GALNT2: variants seen among roughly 807,000 people sequenced by gnomAD.
GALNT2 encodes UDP-GalNAc:polypeptide N-acetylgalactosaminyltransferase 2.
Under a neutral mutation model 81.4 loss-of-function variants are expected in GALNT2, and 31 were observed. That is an observed-to-expected ratio of 0.38 (90% CI 0.29 to 0.51). GALNT2 has a LOEUF of 0.51. Ranked by LOEUF, GALNT2 falls within the 20% of genes least tolerant of loss-of-function variation. The pLI is 0.87. For synonymous variants in GALNT2, 303 were observed against 287.4 expected (o/e 1.05, Z -0.55); for missense variants, 629 against 765.7 (o/e 0.82, Z 2.11).
intron 1 of GALNT2, among the ~76,000 whole-genome samples, chr1:230,107,504 T>G (rs956385211): frequency 6.6e-6 from 1 of 151,908 alleles, no homozygotes; most frequent in Admixed American, 6.6e-5. Flanking sequence ...TGCTTAAGCC[T>G]AGGAGTTTGA....
intron 2 of GALNT2, among the ~76,000 whole-genome samples, chr1:230,190,329 C>T (rs557563635): frequency 6.6e-6 from 1 of 152,374 alleles, no homozygotes; most frequent in African/African-American, 2.4e-5. Context: ...ATAGCTGAGA[C>T]GAAGGGGTCT....
At chr1:230,239,068 T>A (rs902720533) in intron 6 of GALNT2, among the ~76,000 whole-genome samples, 4 of 152,174 alleles carry the variant, frequency 2.6e-5, no homozygotes, top group African/African-American at 4.8e-5. Flanking sequence ...TCAAGAAATT[T>A]TGTATTTTAT....
chr1:230,184,066 A>G (rs1346961454), intron 2 of GALNT2, among the ~76,000 whole-genome samples: 1 of 151,400 alleles, frequency 6.6e-6, no homozygotes, highest in Non-Finnish European at 1.5e-5. Flanking sequence ...TTTCTGATCG[A>G]TGTTATTTTC....
At chr1:230,130,760 T>A (rs1370153054) in intron 1 of GALNT2, among the ~76,000 whole-genome samples, 1 of 152,220 alleles carries the variant, frequency 6.6e-6, no homozygotes, top group African/African-American at 2.4e-5. Flanking sequence ...CTCCTGTATG[T>A]TCAGTCAAGC....
At chr1:230,060,455 T>C (rs892721876) in intron 1 of GALNT2, among the ~76,000 whole-genome samples, 1 of 152,306 alleles carries the variant, frequency 6.6e-6, no homozygotes, top group Non-Finnish European at 1.5e-5. Context: ...TCATAAGTGA[T>C]GCTAGTTTTG....
rs1663268202 is a variant in GALNT2, at chr1:230,184,753, C to G, written c.220+6442C>G. 2.0e-5 allele frequency among the ~76,000 whole-genome samples: 3 copies of G among 151,980 alleles called. 1 individual carries two copies. The highest frequency in any genetic ancestry group is 7.3e-5 in the African/African-American group (3 of 41,360). On this transcript the variant is annotated intron_variant, in intron 2 of 15. Transcript: ENST00000366672. ...ACTATTCTGTGTGTTCTCTAAGTTT[C>G]CTTAATTTGCGTTTTGGTGTTCAAC...
chr1:230,167,995 A>AAAAAT (rs2102854289), intron 1 of GALNT2, among the ~76,000 whole-genome samples: 1 of 151,046 alleles, frequency 6.6e-6, no homozygotes, highest in East Asian at 2.0e-4. Flanking sequence ...GACATTTTCT[A>AAAAAT]GTCCAGTGTG....
intron 15 of GALNT2, among the ~76,000 whole-genome samples, chr1:230,277,865 T>C (rs1490420099): frequency 1.3e-5 from 2 of 152,190 alleles, no homozygotes; most frequent in Non-Finnish European, 2.9e-5. Context: ...TGTTTTCATA[T>C]GTTGTGCATA....
intron 2 of GALNT2, among the ~76,000 whole-genome samples, chr1:230,190,505 A>G (rs1290368799): frequency 1.3e-5 from 2 of 152,212 alleles, no homozygotes; most frequent in Non-Finnish European, 1.5e-5. Context: ...GTGAATTTCT[A>G]TGAAAATTCA....
At chr1:230,222,596 A>G (rs758285319) in intron 3 of GALNT2, among the ~76,000 whole-genome samples, 2 of 151,450 alleles carry the variant, frequency 1.3e-5, no homozygotes, top group East Asian at 3.9e-4. Flanking sequence ...TTTTCTTTTT[A>G]TCTTTTTAAA....
intron 3 of GALNT2, among the ~76,000 whole-genome samples, chr1:230,227,871 G>A (rs1664587710): frequency 6.6e-6 from 1 of 152,162 alleles, no homozygotes; most frequent in Non-Finnish European, 1.5e-5. Flanking sequence ...TTGTGTTGCA[G>A]GCCATAATCA....
rs533557080 is a variant in GALNT2 at position 230,253,620 on chromosome 1, A to G, written c.1010-1598A>G. 4.6e-5 allele frequency among the ~76,000 whole-genome samples: 7 copies of G among 152,364 alleles called. No homozygotes were observed. In the South Asian group the frequency reaches 1.4e-3, roughly 32 times the overall value. ...GTGATGTTTTTAATACATATAATGT[A>G]TGGTGATCAGATCAAGGAAATTAGC... On this transcript the variant is annotated intron_variant, in intron 10 of 15. Coordinates refer to ENST00000366672, the MANE Select transcript of GALNT2 (RefSeq NM_004481.5).
At chr1:230,120,606 G>C (rs757140369) in intron 1 of GALNT2, among the ~76,000 whole-genome samples, 3 of 152,150 alleles carry the variant, frequency 2.0e-5, no homozygotes, top group Non-Finnish European at 4.4e-5. Flanking sequence ...GAAAATGGCT[G>C]CTCAGCTCCG....
intron 6 of GALNT2, among the ~76,000 whole-genome samples, chr1:230,238,548 G>A (rs1665101333): frequency 6.6e-6 from 1 of 152,158 alleles, no homozygotes; most frequent in African/African-American, 2.4e-5. Context: ...GGCCCTTACA[G>A]CTATTTAATG....
chr1:230,116,962 G>A (rs1232644775), intron 1 of GALNT2, among the ~76,000 whole-genome samples: 3 of 152,214 alleles, frequency 2.0e-5, no homozygotes, highest in Non-Finnish European at 1.5e-5. Context: ...CCAAGCATTG[G>A]CATCTCCTCC....
At chr1:230,190,986 A>G (rs1663505552) in intron 2 of GALNT2, among the ~76,000 whole-genome samples, 1 of 152,106 alleles carries the variant, frequency 6.6e-6, no homozygotes, top group African/African-American at 2.4e-5. Flanking sequence ...ATTTTTTAAT[A>G]TTAGTTGCCA....
rs573888497 is a variant in GALNT2 at position 230,153,435 on chromosome 1, GT to G, written c.127-24778del. Among the ~76,000 whole-genome samples the G allele has an allele frequency of 4.5e-3, 680 of 152,172 alleles. 6 individuals are homozygous for G. The highest frequency in any genetic ancestry group is 0.015 in the African/African-American group (637 of 41,492). Reference sequence around the variant, plus strand: ...TTCAACATTTTAAGGGTCTCTTTGCGTTTTTAGTTTTATTTTTAATCACAGT... The same window carrying G: ...TTCAACATTTTAAGGGTCTCTTTGCGTTTTAGTTTTATTTTTAATCACAGT... On this transcript the variant is annotated intron_variant, in intron 1 of 15. Transcript: ENST00000366672.
chr1:230,080,422 T>C (rs1293632341), intron 1 of GALNT2, among the ~76,000 whole-genome samples: 1 of 152,184 alleles, frequency 6.6e-6, no homozygotes, highest in African/African-American at 2.4e-5. Context: ...CAGTGTGATG[T>C]CCCAAGCAGT....
chr1:230,089,249 C>T (rs762360250), intron 1 of GALNT2, among the ~76,000 whole-genome samples: 6 of 151,136 alleles, frequency 4.0e-5, no homozygotes, highest in South Asian at 2.1e-4. Flanking sequence ...CGGGTTCAAG[C>T]GATTCTTCTG....
Sources: gnomAD v4.1 joint callset for allele counts (sites outside exome capture counted in the v4.1 genomes callset) on GRCh38, gnomAD v4.1.1 for gene constraint, MANE v1.5 for transcripts, NCBI Gene and HGNC (gene_info 2026-07-23, HGNC 2026-07-21) for gene names.